CCDC188: variants seen among roughly 807,000 people sequenced by gnomAD.
The protein encoded by CCDC188 is coiled-coil domain-containing protein 188.
A neutral mutation model predicts 50.7 loss-of-function variants in CCDC188; 37 were observed. That is an observed-to-expected ratio of 0.73 (90% confidence interval 0.56 to 0.96). CCDC188 has a LOEUF of 0.96. Among genes scored for constraint, CCDC188 ranks in the 40% least tolerant of loss-of-function variants. CCDC188 has a pLI of 0.00. For missense variants in CCDC188, 453 were observed against 512.9 expected (o/e 0.88, Z 1.13); for synonymous variants, 208 against 228.0 (o/e 0.91, Z 0.79).
intron 4 of CCDC188, 34 bp from the exon 5 acceptor site, chr22:20,149,674 G>A: frequency 6.5e-7 from 1 of 1,546,396 alleles, no homozygotes; most frequent in Non-Finnish European, 8.7e-7. Context: ...TGAGGAGCAG[G>A]ACCCACTGGG....
In CCDC188 at chr22:20,148,810, G is replaced by T. The variant is rs1330869199; in HGVS notation, c.1023-10C>A. 1.4e-6 allele frequency: 2 copies of T among 1,464,086 alleles called. No homozygotes were observed. Among genetic ancestry groups the T allele is most frequent in the Non-Finnish European group, 1.8e-6 (2 of 1,102,664 alleles). The allele number at this position is 1,464,086 out of a possible 1,614,324, so 90.7% of individuals were successfully genotyped here. A position where few individuals can be genotyped will look rare whatever the true frequency, so the allele number is the denominator to read the frequency against. On this transcript the variant is annotated splice_polypyrimidine_tract_variant and intron_variant, in intron 8 of 8. Coordinates refer to ENST00000439765, the MANE Select transcript of CCDC188 (RefSeq NM_001365892.2). ...CCTCAGGGTCAGCAGCCTGCGGGCG[G>T]CGGTGGTCAGGGGCAGGGGCGCGCG...
At chr22:20,149,123 G>A (rs1295714597) in intron 7 of CCDC188, 64 bp downstream of exon 7, 21 of 1,355,648 alleles carry the variant, frequency 1.5e-5, no homozygotes, top group South Asian at 4.5e-5. Context: ...TCTCCCTCTC[G>A]CCCAAGCAGG....
Position 20,148,610 on chromosome 22 carries a change from T to G in CCDC188, c.*4A>C, listed in dbSNP as rs1192018622. The G allele has an allele frequency of 6.5e-7, 1 of 1,536,522 alleles. No homozygotes were observed. Among genetic ancestry groups the G allele is most frequent in the South Asian group, 1.2e-5 (1 of 82,602 alleles). On this transcript the variant is annotated 3_prime_UTR_variant, in exon 9 of 9. Coordinates refer to ENST00000439765, the MANE Select transcript of CCDC188 (RefSeq NM_001365892.2). The stretch of plus-strand genomic sequence containing the variant: ...CTCCTTGCTGGGGCCGCTGGGCCTC[T>G]GGCCTAGAAGGGCAGGAAGCCGTCC...
Position 20,148,826 on chromosome 22 carries a change from G to A in CCDC188, c.1023-26C>T. ...CTGCGGGCGGCGGTGGTCAGGGGCAGGGGCGCGCGGGGGGCCTGGGGGCTG... is the reference window on the plus strand; with the variant it reads ...CTGCGGGCGGCGGTGGTCAGGGGCAAGGGCGCGCGGGGGGCCTGGGGGCTG... On this transcript the variant is annotated intron_variant, in intron 8 of 8. Coordinates refer to ENST00000439765, the MANE Select transcript of CCDC188 (RefSeq NM_001365892.2). The A allele has an allele frequency of 2.7e-6, 4 of 1,462,106 alleles. No homozygotes were observed. The South Asian group carries it at 5.6e-5, about 20-fold the overall frequency. The allele number at this position is 1,462,106 out of a possible 1,614,324, so 90.6% of individuals were successfully genotyped here. A position where few individuals can be genotyped will look rare whatever the true frequency, so the allele number is the denominator to read the frequency against.
Position 20,149,591 on chromosome 22 carries a change from G to A in CCDC188, c.839C>T (p.Thr280Ile), listed in dbSNP as rs542520341. The A allele has an allele frequency of 7.1e-6, 11 of 1,550,216 alleles. No individual in the cohort carries two copies. The African/African-American group carries it at 1.4e-4, about 19-fold the overall frequency. Residue 280 changes from threonine to isoleucine, a missense_variant, in exon 5 of 9, where the codon ACC becomes ATC. Coordinates refer to ENST00000439765, the MANE Select transcript of CCDC188 (RefSeq NM_001365892.2). ...EMHMALNNQA[T>I]GLLNLKKDIR... ...CCTGTGGGGACCTACCAGGAGCCCGGTGGCCTGGTTGTTCAGGGCCATGTG... is the reference window on the plus strand; with the variant it reads ...CCTGTGGGGACCTACCAGGAGCCCGATGGCCTGGTTGTTCAGGGCCATGTG...
Position 20,149,642 on chromosome 22 carries a change from TA to T in CCDC188, c.790-3del, listed in dbSNP as rs1359602129. 5 of 1,549,956 alleles carry T rather than the reference TA, an allele frequency of 3.2e-6. No individual in the cohort carries two copies. The East Asian group carries it at 9.8e-5, about 30-fold the overall frequency. On this transcript the variant is annotated splice_region_variant and splice_polypyrimidine_tract_variant and intron_variant, in intron 4 of 8. Transcript: ENST00000439765. Reference sequence around the variant, plus strand: ...CATCTCAGCCACGTTGTCCCACACCTAGGGGGAGGTGGGGTCACGCCTGAGG... The same window carrying T: ...CATCTCAGCCACGTTGTCCCACACCTGGGGGAGGTGGGGTCACGCCTGAGG...
intron 3 of CCDC188, 83 bp downstream of exon 3, chr22:20,149,872 C>T (rs1274692872): frequency 1.3e-6 from 2 of 1,487,088 alleles, no homozygotes; most frequent in South Asian, 2.7e-5. Context: ...ACGAAGACCT[C>T]CCTCCCTAAT....
Position 20,150,844 on chromosome 22 carries a change from G to A in CCDC188, c.143C>T (p.Ser48Phe). Residue 48 changes from serine (S) to phenylalanine (F), a missense_variant, in exon 1 of 9, where the codon TCT (serine) becomes TTT (phenylalanine). Physicochemically the swap from Ser to Phe is radical, Grantham distance 155. Coordinates refer to ENST00000439765, the MANE Select transcript of CCDC188 (RefSeq NM_001365892.2). Reference sequence around the variant, plus strand: ...TCTCTGGGACTGCACTGAGTGAGCAGAGGAGATGGGGCCCAGGCAGGGCCA... The same window carrying A: ...TCTCTGGGACTGCACTGAGTGAGCAAAGGAGATGGGGCCCAGGCAGGGCCA... ...VGWPCLGPIS[S>F]AHSVQSQRPF... is the part of the protein sequence containing the mutation. 1 of 1,528,216 alleles carries A rather than the reference G, an allele frequency of 6.5e-7. No individual in the cohort carries two copies. The highest frequency in any genetic ancestry group is 1.2e-5 in the South Asian group (1 of 83,186). The allele number at this position is 1,528,216 out of a possible 1,614,324, so 94.7% of individuals were successfully genotyped here. A position where few individuals can be genotyped will look rare whatever the true frequency, so the allele number is the denominator to read the frequency against.
At chr22:20,149,554 T>G in intron 5 of CCDC188, 27 bp downstream of exon 5, 1 of 1,550,150 alleles carries the variant, frequency 6.5e-7, no homozygotes, top group Non-Finnish European at 8.7e-7. Flanking sequence ...GCCCCGTCCT[T>G]CTGGGTGCTG....
At chr22:20,149,910 GT>G (rs368639630) in intron 3 of CCDC188, 44 bp downstream of exon 3, 82,586 of 1,508,802 alleles carry the variant, frequency 0.055, 2,588 homozygotes, top group South Asian at 0.092. Context: ...CTGGAGTGCT[GT>G]TACGAAGCTT....
At chr22:20,150,095 G>A (rs762778971) in intron 2 of CCDC188, 36 bp from the exon 3 acceptor site, 22 of 1,540,416 alleles carry the variant, frequency 1.4e-5, no homozygotes, top group African/African-American at 6.9e-5. Context: ...CTAAGACTGC[G>A]GGCTAGAGGG....
rs1040950918 is a variant in CCDC188, at chr22:20,150,304, G to A, written c.520-54C>T. The A allele has an allele frequency of 6.7e-6, 9 of 1,343,614 alleles. No individual in the cohort carries two copies. The African/African-American group carries it at 1.3e-4, about 20-fold the overall frequency. The allele number at this position is 1,343,614 out of a possible 1,614,324, so 83.2% of individuals were successfully genotyped here. ...GCCTGTCATGGCCGCTCCTGCGGCT[G>A]GGGCTGGGGCAGGGGCAGGGGCGCC... is the stretch of plus-strand genomic sequence containing the variant. On this transcript the variant is annotated intron_variant, in intron 1 of 8. Transcript: ENST00000439765.
rs1440968202 is a variant in CCDC188, at chr22:20,148,690, C to T, written c.1133G>A (p.Arg378His). 19 of 1,544,272 alleles carry T rather than the reference C, an allele frequency of 1.2e-5. No individual in the cohort carries two copies. Among genetic ancestry groups the T allele is most frequent in the South Asian group, 2.4e-5 (2 of 83,612 alleles). ...GGCCCGGAGCTTCCAGACGGTGGCA[C>T]GGCTCAGCAGGGGTGGCACCAGCCC... is the stretch of plus-strand genomic sequence containing the variant. ...FEGLVPPLLS[R>H]ATVWKLRALL... is the part of the protein sequence containing the mutation. Residue 378 changes from arginine to histidine, a missense_variant, in exon 9 of 9, where the codon CGT becomes CAT. Transcript: ENST00000439765.
rs1306873087 is a variant in CCDC188 at position 20,149,454 on chromosome 22, C to A, written c.872G>T (p.Gly291Val). The change falls in exon 6 of 9, where the codon GGC (glycine) becomes GTC (valine). Residue 291 changes from glycine to valine, a missense_variant. Physicochemically the swap from Gly to Val is moderately radical, Grantham distance 109. Coordinates refer to ENST00000439765, the MANE Select transcript of CCDC188 (RefSeq NM_001365892.2). ...GLLNLKKDIR[G>V]VLDQMEDIQL... The stretch of plus-strand genomic sequence containing the variant: ...GATGTCCTCCATCTGGTCCAGCACG[C>A]CCCGGATGTCCTTCTTGAGGTTCTG... The A allele has an allele frequency of 1.9e-6, 3 of 1,550,202 alleles. No homozygotes were observed. The highest frequency in any genetic ancestry group is 1.2e-5 in the South Asian group (1 of 84,048).
chr22:20,149,846 C>T, intron 3 of CCDC188, 66 bp from the exon 4 acceptor site: 1 of 1,482,392 alleles, frequency 6.7e-7, no homozygotes, highest in East Asian at 2.5e-5. Flanking sequence ...CCCCGCTGGG[C>T]CCACTGGCCT....
chr22:20,148,822 G>A, intron 8 of CCDC188, 22 bp from the exon 9 acceptor site: 3 of 1,464,810 alleles, frequency 2.0e-6, no homozygotes, highest in Non-Finnish European at 2.7e-6. Context: ...GGTGGTCAGG[G>A]GCAGGGGCGC....
chr22:20,148,608 T>C lies in CCDC188; in HGVS notation c.*6A>G. The C allele has an allele frequency of 2.6e-6, 4 of 1,535,648 alleles. No homozygotes were observed. The highest frequency in any genetic ancestry group is 3.5e-6 in the Non-Finnish European group (4 of 1,141,156). ...GCCTCCTTGCTGGGGCCGCTGGGCC[T>C]CTGGCCTAGAAGGGCAGGAAGCCGT... On this transcript the variant is annotated 3_prime_UTR_variant, in exon 9 of 9. Coordinates refer to ENST00000439765, the MANE Select transcript of CCDC188 (RefSeq NM_001365892.2).
intron 6 of CCDC188, 83 bp downstream of exon 6, chr22:20,149,329 G>C: frequency 1.9e-6 from 3 of 1,545,682 alleles, no homozygotes; most frequent in South Asian, 1.2e-5. Flanking sequence ...GGAGGTGGGG[G>C]GTCAAGGATG....
Position 20,150,729 on chromosome 22 carries a change from C to A in CCDC188, c.258G>T (p.Ala86=). ...GLFLSSQEQR[A]RDTEGPRQGD... is the part of the protein sequence containing the mutation. ...CTTGTCTCGGCCCCTCAGTGTCTCT[C>A]GCTCTCTGCTCCTGGCTGGACAGAA... The change falls in exon 1 of 9, where the codon GCG becomes GCT. Residue 86 remains alanine, a synonymous_variant. Transcript: ENST00000439765. The A allele has an allele frequency of 6.5e-7, 1 of 1,550,188 alleles. No individual in the cohort carries two copies. Among genetic ancestry groups the A allele is most frequent in the Non-Finnish European group, 8.7e-7 (1 of 1,146,820 alleles).
Sources: gnomAD v4.1 joint callset for allele counts on GRCh38, gnomAD v4.1.1 for gene constraint, MANE v1.5 for transcripts, NCBI Gene and HGNC (gene_info 2026-07-23, HGNC 2026-07-21) for gene names.